The following CUL1 variants were observed in gnomAD, a reference collection of about 807,000 sequenced individuals.
CUL1 encodes the protein cullin-1.
A neutral mutation model predicts 118.0 loss-of-function variants in CUL1; 24 were observed. The ratio of observed to expected loss-of-function variants is 0.20; its 90% CI spans 0.15 to 0.29. The LOEUF is 0.29. Ranked by LOEUF, CUL1 falls within the 10% of genes least tolerant of loss-of-function variation. The pLI, the probability that CUL1 is intolerant of heterozygous loss-of-function variation, is 1.00. For synonymous variants in CUL1, 332 were observed against 340.4 expected (o/e 0.98, Z 0.27); for missense variants, 361 against 933.8 (o/e 0.39, Z 7.99).
intron 1 of CUL1, among the ~76,000 whole-genome samples, chr7:148,725,219 G>GCGCGCGCGCGCACACACA: frequency 1.2e-4 from 17 of 140,060 alleles, no homozygotes; most frequent in South Asian, 7.2e-4. Context: ...ACACGCGCGC[G>GCGCGCGCGCGCACACACA]CTCACACACA....
At chr7:148,714,168 C>T (rs1001070742) in intron 1 of CUL1, among the ~76,000 whole-genome samples, 7 of 152,164 alleles carry the variant, frequency 4.6e-5, no homozygotes, top group Admixed American at 1.3e-4. Context: ...AATTCCCACT[C>T]CCAGCTTTAT....
chr7:148,779,790 C>T (rs1288603045), intron 9 of CUL1, among the ~76,000 whole-genome samples: 2 of 152,154 alleles, frequency 1.3e-5, no homozygotes, highest in Non-Finnish European at 2.9e-5. Context: ...AGTATTGATC[C>T]TGGGTGTGTC....
intron 1 of CUL1, among the ~76,000 whole-genome samples, chr7:148,718,096 A>T (rs1302385629): frequency 6.6e-6 from 1 of 152,230 alleles, no homozygotes; most frequent in Non-Finnish European, 1.5e-5. Flanking sequence ...ACCAAGACCC[A>T]TATGTACACA....
At chr7:148,775,892 C>T (rs546510606) in intron 9 of CUL1, among the ~76,000 whole-genome samples, 4 of 150,856 alleles carry the variant, frequency 2.7e-5, no homozygotes, top group Non-Finnish European at 4.4e-5. Context: ...TAGTTCAGGT[C>T]GGTAATGGCC....
At chr7:148,714,750 TG>T (rs1379451608) in intron 1 of CUL1, among the ~76,000 whole-genome samples, 4 of 152,326 alleles carry the variant, frequency 2.6e-5, no homozygotes, top group Non-Finnish European at 5.9e-5. Context: ...TGAACACACC[TG>T]GGCAGAACAT....
At chr7:148,762,912 C>T (rs952186523) in intron 7 of CUL1, among the ~76,000 whole-genome samples, 34 of 152,146 alleles carry the variant, frequency 2.2e-4, no homozygotes, top group African/African-American at 5.8e-4. Flanking sequence ...TTTGGGAGGC[C>T]GAGGTGGGCA....
rs879842890 is a variant in CUL1 at position 148,711,532 on chromosome 7, C to A, written c.-162+12503C>A. Among the ~76,000 whole-genome samples, 12 of 152,120 alleles carry A rather than the reference C, an allele frequency of 7.9e-5. 1 individual carries two copies. Among genetic ancestry groups the A allele is most frequent in the Admixed American group, 7.9e-4 (12 of 15,264 alleles). ...TCTTTAAAACAAAAAACATAAAAGC[C>A]CTAAATCAAATAAAGAGCACGGTAG... On this transcript the variant is annotated intron_variant, in intron 1 of 21. Transcript: ENST00000325222.
chr7:148,750,866 G>C (rs905620115), intron 2 of CUL1, among the ~76,000 whole-genome samples: 2 of 152,060 alleles, frequency 1.3e-5, no homozygotes, highest in Non-Finnish European at 2.9e-5. Flanking sequence ...AGCTTCACAG[G>C]AGGCTAAGGT....
At chr7:148,708,889 A>T (rs1797967069) in intron 1 of CUL1, among the ~76,000 whole-genome samples, 1 of 152,258 alleles carries the variant, frequency 6.6e-6, no homozygotes, top group African/African-American at 2.4e-5. Context: ...ATAATAAATT[A>T]TAAATGTTGG....
chr7:148,796,344 T>G (rs1323553040), intron 17 of CUL1, among the ~76,000 whole-genome samples: 3 of 152,198 alleles, frequency 2.0e-5, no homozygotes, highest in Admixed American at 1.3e-4. Context: ...TAATCCTTTT[T>G]CTATGTTGTT....
rs1025585755 is a variant in CUL1 at position 148,787,843 on chromosome 7, G to A, written c.1480-714G>A. ...CTCCTTTGCGTGCCTGTGTGTCGGC[G>A]CTGTCGAGTGCTCTTATCTGACTTG... On this transcript the variant is annotated intron_variant, in intron 13 of 21. Transcript: ENST00000325222. This position sits in a 1 kb window ranked among gnomAD's most constrained non-coding sequence, Gnocchi z 5.5. Among the ~76,000 whole-genome samples, 1 of 152,152 alleles carries A rather than the reference G, an allele frequency of 6.6e-6. No individual in the cohort carries two copies. Among genetic ancestry groups the A allele is most frequent in the Non-Finnish European group, 1.5e-5 (1 of 68,030 alleles).
rs150286594 is a variant in CUL1 at position 148,766,844 on chromosome 7, A to T, written c.952+121A>T. ...GCCCATGTCAGTTTTAAAAAGATGC[A>T]TGTGTTTGTACATCGTTATGTGCCA... On this transcript the variant is annotated intron_variant, in intron 8 of 21. Coordinates refer to ENST00000325222, the MANE Select transcript of CUL1 (RefSeq NM_003592.3). The T allele has an allele frequency of 7.0e-6, 6 of 861,256 alleles. No individual in the cohort carries two copies. The Admixed American group carries it at 1.7e-4, about 24-fold the overall frequency. The allele number at this position is 861,256 out of a possible 1,614,324, so 53.4% of individuals were successfully genotyped here. A position where few individuals can be genotyped will look rare whatever the true frequency, so the allele number is the denominator to read the frequency against.
intron 14 of CUL1, among the ~76,000 whole-genome samples, chr7:148,789,469 C>T (rs1208007572): frequency 6.6e-6 from 1 of 152,058 alleles, no homozygotes; most frequent in Non-Finnish European, 1.5e-5. Flanking sequence ...AAAAGGAAAG[C>T]AAGGGAAGCA....
At chr7:148,753,864 G>T in intron 2 of CUL1, 112 bp from the exon 3 acceptor site, 1 of 772,808 alleles carries the variant, frequency 1.3e-6, no homozygotes, top group Non-Finnish European at 2.0e-6. Context: ...TTTTTAACAG[G>T]TTTTGGTTGA....
intron 21 of CUL1, 83 bp downstream of exon 21, chr7:148,799,471 G>A: frequency 2.2e-6 from 2 of 907,660 alleles, no homozygotes; most frequent in Non-Finnish European, 1.7e-6. Context: ...GATTGCTGTA[G>A]CATGAAGGAG....
rs1800853867 is a variant in CUL1 at position 148,787,461 on chromosome 7, C to T, written c.1479+341C>T. On this transcript the variant is annotated intron_variant, in intron 13 of 21. Transcript: ENST00000325222. The surrounding 1 kb of genome is among the most constrained non-coding windows in gnomAD (Gnocchi z 5.5). ...TGGGCAACAGAGTGAGACTCTGTCT[C>T]AGAAAAAAATAAAAAAGCTCTTAGT... is the stretch of plus-strand genomic sequence containing the variant. 6.6e-6 allele frequency among the ~76,000 whole-genome samples: 1 copy of T among 152,026 alleles called. No homozygotes were observed. The highest frequency in any genetic ancestry group is 1.5e-5 in the Non-Finnish European group (1 of 68,000).
At chr7:148,744,859 CT>C (rs1262689690) in intron 2 of CUL1, among the ~76,000 whole-genome samples, 1 of 152,158 alleles carries the variant, frequency 6.6e-6, no homozygotes, top group African/African-American at 2.4e-5. Context: ...GATATTTTCA[CT>C]GGCTATAGAA....
At chr7:148,723,761 C>T (rs952802494) in intron 1 of CUL1, among the ~76,000 whole-genome samples, 1 of 148,894 alleles carries the variant, frequency 6.7e-6, no homozygotes, top group African/African-American at 2.5e-5. Context: ...CCCCAAAGAG[C>T]TAGAAGTCAG....
intron 1 of CUL1, among the ~76,000 whole-genome samples, chr7:148,704,352 A>G (rs1273689993): frequency 6.6e-6 from 1 of 152,196 alleles, no homozygotes; most frequent in Non-Finnish European, 1.5e-5. Flanking sequence ...AAATGAGCTC[A>G]CTCATACCTT....
Sources: allele counts gnomAD v4.1 joint callset (sites outside exome capture counted in the v4.1 genomes callset), GRCh38; gene constraint gnomAD v4.1.1; non-coding constraint Gnocchi (gnomAD v3.1); transcripts MANE v1.5; gene names NCBI Gene and HGNC (gene_info 2026-07-23, HGNC 2026-07-21).